Variants in TPST2 observed in about 807,000 individuals in gnomAD.
TPST2 encodes tyrosylprotein sulfotransferase 2.
In TPST2, 16 loss-of-function variants were observed where a neutral mutation model predicts 27.8. The observed-to-expected ratio is 0.58, with a 90% CI of 0.39 to 0.88. The LOEUF (loss-of-function observed/expected upper bound fraction) is 0.88. Among genes scored for constraint, TPST2 ranks in the 40% least tolerant of loss-of-function variants. The probability of loss-of-function intolerance (pLI) is 0.00; values close to 1 mark genes in which losing one functional copy is unlikely to be tolerated. For synonymous variants in TPST2, 229 were observed against 231.7 expected, an observed-to-expected ratio of 0.99 and a Z score of 0.10; for missense variants, 464 against 543.1, an observed-to-expected ratio of 0.85 and a Z score of 1.45.
chr22:26,536,344 C>T lies in TPST2; in HGVS notation c.985G>A (p.Ala329Thr). ...GGGTTGCCATAGTTGGGGGGGTTTG[C>T]ATAAGGGTCATAGCCGAGCTGAGCC... is the stretch of plus-strand genomic sequence containing the variant. ...MLAQLGYDPY[A>T]NPPNYGNPDP... Residue 329 changes from alanine to threonine, a missense_variant, in exon 4 of 7, where the codon GCA (alanine) becomes ACA (threonine). By Grantham distance (58) the Ala-to-Thr change is moderately conservative. Coordinates refer to ENST00000338754, the MANE Select transcript of TPST2 (RefSeq NM_003595.5). 6.2e-7 allele frequency: 1 copy of T among 1,613,942 alleles called. No individual in the cohort carries two copies. Among genetic ancestry groups the T allele is most frequent in the Non-Finnish European group, 8.5e-7 (1 of 1,179,860 alleles).
At chr22:26,560,676 A>T in intron 1 of TPST2, 1 of 1,155,804 alleles carries the variant, frequency 8.7e-7, no homozygotes, top group Non-Finnish European at 1.3e-6. Flanking sequence ...GAGGTGGAAG[A>T]CCATGTCTGC....
At chr22:26,540,359 G>A (rs112765990) in intron 3 of TPST2, among the ~76,000 whole-genome samples, 1 of 152,126 alleles carries the variant, frequency 6.6e-6, no homozygotes, top group Admixed American at 6.6e-5. Context: ...CAGGACTCTG[G>A]GAGGCTGAGG....
intron 5 of TPST2, 51 bp downstream of exon 5, chr22:26,532,644 G>C (rs1242826806): frequency 6.4e-7 from 1 of 1,573,952 alleles, no homozygotes; most frequent in Non-Finnish European, 8.7e-7. Context: ...CAGCCAGATG[G>C]TGGTATAGCT....
At chr22:26,555,710 G>A (rs1472539082) in intron 1 of TPST2, among the ~76,000 whole-genome samples, 1 of 152,306 alleles carries the variant, frequency 6.6e-6, no homozygotes, top group East Asian at 1.9e-4. Context: ...GTGGGAACAC[G>A]TTCAGGGCAC....
At chr22:26,580,892 G>A (rs1280504085) in intron 1 of TPST2, among the ~76,000 whole-genome samples, 1 of 152,060 alleles carries the variant, frequency 6.6e-6, no homozygotes, top group Non-Finnish European at 1.5e-5. Flanking sequence ...CTTCATACTA[G>A]GCAACAGCAG....
chr22:26,535,104 T>C (rs1925378002), intron 4 of TPST2, among the ~76,000 whole-genome samples: 1 of 152,210 alleles, frequency 6.6e-6, no homozygotes, highest in Non-Finnish European at 1.5e-5. Flanking sequence ...TAAAGAGAGA[T>C]CAGTGAGTGC....
intron 1 of TPST2, among the ~76,000 whole-genome samples, chr22:26,559,682 A>G (rs941430095): frequency 1.3e-5 from 2 of 152,242 alleles, no homozygotes; most frequent in African/African-American, 4.8e-5. Flanking sequence ...TTTTCCACTT[A>G]GCACACTCTG....
At chr22:26,588,170 TA>T (rs919641635) in intron 1 of TPST2, among the ~76,000 whole-genome samples, 1 of 147,094 alleles carries the variant, frequency 6.8e-6, no homozygotes, top group Non-Finnish European at 1.5e-5. Flanking sequence ...AATAGAATAT[TA>T]TGCAGCCATA....
At chr22:26,555,218 T>TCTACTAGAAC in intron 1 of TPST2, 1 of 533,720 alleles carries the variant, frequency 1.9e-6, no homozygotes, top group Non-Finnish European at 3.8e-6. Flanking sequence ...GGCACTGAAC[T>TCTACTAGAAC]CAGCGTTCTA....
chr22:26,536,425 T>G lies in TPST2; in HGVS notation c.904A>C (p.Thr302Pro). 1 of 1,574,354 alleles carries G rather than the reference T, an allele frequency of 6.4e-7. No homozygotes were observed. The highest frequency in any genetic ancestry group is 8.6e-7 in the Non-Finnish European group (1 of 1,158,082). Residue 302 changes from threonine to proline, a missense_variant, in exon 4 of 7, where the codon ACT becomes CCT. By Grantham distance (38) the Thr-to-Pro change is conservative (BLOSUM62 -1). Coordinates refer to ENST00000338754, the MANE Select transcript of TPST2 (RefSeq NM_003595.5). ...PVNLEALSKWTGHIPGDVVRD... is the reference protein window; with the variant it reads ...PVNLEALSKWPGHIPGDVVRD... Reference sequence around the variant, plus strand: ...ACCACATCCCCAGGGATGTGGCCAGTCCACTTGGAGAGCGCTTCCAGGTTA... The same window carrying G: ...ACCACATCCCCAGGGATGTGGCCAGGCCACTTGGAGAGCGCTTCCAGGTTA...
At chr22:26,554,373 G>A (rs559899533) in intron 1 of TPST2, among the ~76,000 whole-genome samples, 10 of 152,244 alleles carry the variant, frequency 6.6e-5, no homozygotes, top group Admixed American at 2.0e-4. Flanking sequence ...CCCCTGCCTG[G>A]TAAACAAGGC....
At chr22:26,548,511 A>G (rs1926251189) in intron 1 of TPST2, among the ~76,000 whole-genome samples, 1 of 139,484 alleles carries the variant, frequency 7.2e-6, no homozygotes, top group Non-Finnish European at 1.5e-5. Flanking sequence ...GAAGGAAAAA[A>G]GGAAGAAAAA....
In TPST2 at chr22:26,540,938, C is replaced by A; in HGVS notation, c.693G>T (p.Glu231Asp). 3 of 1,613,686 alleles carry A rather than the reference C, an allele frequency of 1.9e-6. No individual in the cohort carries two copies. The highest frequency in any genetic ancestry group is 1.7e-6 in the Non-Finnish European group (2 of 1,179,522). Residue 231 changes from glutamate to aspartate, a missense_variant, in exon 3 of 7, where the codon GAG becomes GAT. Coordinates refer to ENST00000338754, the MANE Select transcript of TPST2 (RefSeq NM_003595.5). Reference protein sequence around the residue: ...MYAQCMEVGKEKCLPVYYEQL... With the variant: ...MYAQCMEVGKDKCLPVYYEQL... ...GCTCGTAGTACACAGGCAGGCACTT[C>A]TCCTTGCCTACCTCCATGCACTGGG...
chr22:26,536,367 G>A lies in TPST2; in HGVS notation c.962C>T (p.Ala321Val), dbSNP rs747594236. Residue 321 changes from alanine to valine, a missense_variant, in exon 4 of 7, where the codon GCT becomes GTT. Ala to Val is a moderately conservative substitution (Grantham distance 64). Transcript: ENST00000338754. ...TGCATAAGGGTCATAGCCGAGCTGA[G>A]CCAGCATGGGGGCGATCTGGGCCAT... ...RDMAQIAPML[A>V]QLGYDPYANP... 6.2e-7 allele frequency: 1 copy of A among 1,610,514 alleles called. No individual in the cohort carries two copies. The highest frequency in any genetic ancestry group is 1.1e-5 in the South Asian group (1 of 91,012).
intron 1 of TPST2, among the ~76,000 whole-genome samples, chr22:26,554,410 G>T (rs1926667532): frequency 6.6e-6 from 1 of 152,130 alleles, no homozygotes; most frequent in Non-Finnish European, 1.5e-5. Flanking sequence ...GCGTGATCTT[G>T]TAGGGACCAG....
At chr22:26,560,631 G>A (rs907250332) in intron 1 of TPST2, 60 of 1,310,536 alleles carry the variant, frequency 4.6e-5, no homozygotes, top group Middle Eastern at 4.3e-4. Context: ...AGATGCTTCA[G>A]TCAACCTCTC....
rs538295694 is a variant in TPST2 at position 26,578,912 on chromosome 22, C to A, written c.-161+11141G>T. Among the ~76,000 whole-genome samples, 193 of 149,654 alleles carry A rather than the reference C, an allele frequency of 1.3e-3. 1 individual carries two copies. Among genetic ancestry groups the A allele is most frequent in the Middle Eastern group, 0.01 (3 of 288 alleles). Reference sequence around the variant, plus strand: ...TGTCACCCAGGCTAGAGTGCAGTGGCGTGATCTTGGCTCACTGCAGCCTTG... The same window carrying A: ...TGTCACCCAGGCTAGAGTGCAGTGGAGTGATCTTGGCTCACTGCAGCCTTG... On this transcript the variant is annotated intron_variant, in intron 1 of 6. Coordinates refer to ENST00000338754, the MANE Select transcript of TPST2 (RefSeq NM_003595.5).
intron 1 of TPST2, among the ~76,000 whole-genome samples, chr22:26,581,019 T>TAC (rs10540036): frequency 0.031 from 3,752 of 120,156 alleles, 55 homozygotes; most frequent in Admixed American, 0.044. Context: ...TCAACATACA[T>TAC]ACACACACAC....
chr22:26,551,910 A>T (rs1926503689), intron 1 of TPST2, among the ~76,000 whole-genome samples: 1 of 99,260 alleles, frequency 1.0e-5, no homozygotes, highest in Non-Finnish European at 2.0e-5. Context: ...TTTTTTTGAG[A>T]CAGTTTCTTG....
Sources: gnomAD v4.1 joint callset for allele counts (sites outside exome capture counted in the v4.1 genomes callset) on GRCh38, gnomAD v4.1.1 for gene constraint, MANE v1.5 for transcripts, NCBI Gene and HGNC (gene_info 2026-07-23, HGNC 2026-07-21) for gene names.